Variants in IGF1R observed in about 807,000 individuals in gnomAD.
IGF1R encodes the protein insulin like growth factor 1 receptor.
In IGF1R, 44 loss-of-function variants were observed where a neutral mutation model predicts 144.6. The ratio of observed to expected loss-of-function variants is 0.30; its 90% CI spans 0.24 to 0.39. The LOEUF (loss-of-function observed/expected upper bound fraction) is 0.39. Ranked by LOEUF, IGF1R falls within the 10% of genes least tolerant of loss-of-function variation. The pLI is 1.00. For missense variants in IGF1R, 1,355 were observed against 1,833.7 expected, an observed-to-expected ratio of 0.74 and a Z score of 4.77; for synonymous variants, 795 against 722.8, an observed-to-expected ratio of 1.10 and a Z score of -1.60.
chr15:98,922,856 C>T (rs2684805), intron 11 of IGF1R, among the ~76,000 whole-genome samples: 125,479 of 152,166 alleles, frequency 0.82, 52,404 homozygotes, highest in Middle Eastern at 0.93. Context: ...ACTCCTGGAG[C>T]AGCCTCTGGT....
At chr15:98,785,455 C>G (rs1361592670) in intron 2 of IGF1R, among the ~76,000 whole-genome samples, 1 of 152,112 alleles carries the variant, frequency 6.6e-6, no homozygotes, top group Non-Finnish European at 1.5e-5. Flanking sequence ...TGATTTCAGT[C>G]CCAGGTAATC....
Position 98,822,084 on chromosome 15 carries a change from A to G in IGF1R, c.641-69241A>G, listed in dbSNP as rs987912117. Among the ~76,000 whole-genome samples the G allele has an allele frequency of 1.2e-4, 19 of 152,352 alleles. 1 individual carries two copies. The highest frequency in any genetic ancestry group is 4.6e-4 in the African/African-American group (19 of 41,568). ...AGGCAAGTCAATGAGATTACAAGAA[A>G]AGAGATGTTAGGCCTTCAGAAAGAT... On this transcript the variant is annotated intron_variant, in intron 2 of 20. Transcript: ENST00000650285.
At chr15:98,896,661 G>T (rs2151651651) in intron 3 of IGF1R, 96 bp from the exon 4 acceptor site, 1 of 1,277,670 alleles carries the variant, frequency 7.8e-7, no homozygotes, top group South Asian at 1.3e-5. Flanking sequence ...AATGCATGCT[G>T]TAATAACAAT....
intron 18 of IGF1R, among the ~76,000 whole-genome samples, chr15:98,939,680 A>G (rs369071593): frequency 1.4e-4 from 22 of 152,242 alleles, no homozygotes; most frequent in Admixed American, 3.3e-4. Flanking sequence ...TCTTCAGGAG[A>G]TTTTGACTTG....
chr15:98,688,206 G>T (rs1321686129), intron 1 of IGF1R, among the ~76,000 whole-genome samples: 8 of 152,014 alleles, frequency 5.3e-5, no homozygotes, highest in Non-Finnish European at 1.2e-4. Context: ...TTCAGCCCTG[G>T]CCAGCCCTGG....
At chr15:98,865,076 A>G (rs2012356060) in intron 2 of IGF1R, among the ~76,000 whole-genome samples, 1 of 152,234 alleles carries the variant, frequency 6.6e-6, no homozygotes, top group Non-Finnish European at 1.5e-5. Context: ...GTATCAGATC[A>G]CACATGCTTG....
chr15:98,866,425 C>T (rs1462733151), intron 2 of IGF1R, among the ~76,000 whole-genome samples: 1 of 152,178 alleles, frequency 6.6e-6, no homozygotes, highest in Non-Finnish European at 1.5e-5. Context: ...TAATGCGGGC[C>T]TCTGCAAATA....
At chr15:98,852,346 C>T (rs943471296) in intron 2 of IGF1R, among the ~76,000 whole-genome samples, 1 of 152,044 alleles carries the variant, frequency 6.6e-6, no homozygotes, top group African/African-American at 2.4e-5. Flanking sequence ...GCGGGCACCC[C>T]GCGCCCGCGC....
chr15:98,923,718 G>T (rs1567201814), intron 11 of IGF1R, 158 bp from the exon 12 acceptor site: 1 of 675,636 alleles, frequency 1.5e-6, no homozygotes, highest in East Asian at 2.7e-5. Context: ...GATCTCCACT[G>T]TCCTGCCCGC....
chr15:98,808,017 A>G (rs913331321), intron 2 of IGF1R, among the ~76,000 whole-genome samples: 3 of 152,208 alleles, frequency 2.0e-5, no homozygotes, highest in Non-Finnish European at 4.4e-5. Flanking sequence ...GTGGTGAGGT[A>G]CTATTTCTGT....
In IGF1R at chr15:98,959,296, A is replaced by G; in HGVS notation, c.*1854A>G. 1 of 233,554 alleles carries G rather than the reference A, an allele frequency of 4.3e-6. No homozygotes were observed. Among genetic ancestry groups the G allele is most frequent in the Non-Finnish European group, 8.5e-6 (1 of 117,954 alleles). The allele number at this position is 233,554 out of a possible 1,614,324, so 14.5% of individuals were successfully genotyped here. A position where few individuals can be genotyped will look rare whatever the true frequency, so the allele number is the denominator to read the frequency against. On this transcript the variant is annotated 3_prime_UTR_variant, in exon 21 of 21. Coordinates refer to ENST00000650285, the MANE Select transcript of IGF1R (RefSeq NM_000875.5). ...TTCTTAATGGCTATTTAATCCTTCC[A>G]TCCCACGAAAAACAGCTGCTGAGTC...
intron 2 of IGF1R, among the ~76,000 whole-genome samples, chr15:98,869,358 G>C (rs372575953): frequency 6.7e-6 from 1 of 149,682 alleles, no homozygotes; most frequent in Non-Finnish European, 1.5e-5. Flanking sequence ...CACAGGACCT[G>C]TATGGTCAAA....
intron 2 of IGF1R, among the ~76,000 whole-genome samples, chr15:98,725,618 G>C (rs189165717): frequency 4.5e-4 from 68 of 152,298 alleles, no homozygotes; most frequent in Admixed American, 4.4e-3. Flanking sequence ...GAGTTCCTTT[G>C]ATCAAGATCC....
intron 1 of IGF1R, among the ~76,000 whole-genome samples, chr15:98,663,081 G>A (rs2052638385): frequency 6.6e-6 from 1 of 152,180 alleles, no homozygotes; most frequent in Non-Finnish European, 1.5e-5. Context: ...ACAGGCTCAG[G>A]GAGGGAAGTC....
At chr15:98,695,289 T>G (rs576477261) in intron 1 of IGF1R, among the ~76,000 whole-genome samples, 1 of 152,310 alleles carries the variant, frequency 6.6e-6, no homozygotes, top group South Asian at 2.1e-4. Context: ...TGCCCTCCTT[T>G]GACGGGTCAA....
intron 2 of IGF1R, among the ~76,000 whole-genome samples, chr15:98,813,935 TC>T: frequency 6.6e-6 from 1 of 152,334 alleles, no homozygotes; most frequent in South Asian, 2.1e-4. Flanking sequence ...ACAATGACTG[TC>T]AACAACAATA....
intron 2 of IGF1R, among the ~76,000 whole-genome samples, chr15:98,799,300 G>A (rs1204101256): frequency 6.6e-6 from 1 of 151,734 alleles, no homozygotes; most frequent in African/African-American, 2.4e-5. Flanking sequence ...AACCCACAGA[G>A]AACTGCAGAC....
At position 98,803,544 on chromosome 15, in the gene IGF1R, C is replaced by G. The variant is rs527670683; in HGVS notation, c.641-87781C>G. 4.5e-4 allele frequency among the ~76,000 whole-genome samples: 28 copies of G among 62,502 alleles called. 1 individual carries two copies. The South Asian group carries it at 0.015, about 34-fold the overall frequency. 41.0% of individuals were successfully genotyped at this position (62,502 alleles called of 152,430 possible). A position where few individuals can be genotyped will look rare whatever the true frequency, so the allele number is the denominator to read the frequency against. ...TTTATGAGATAGGGTCTTGCTCTGTCCCCCAGGCTGGAGTGCAGTGGTGCA... is the reference window on the plus strand; with the variant it reads ...TTTATGAGATAGGGTCTTGCTCTGTGCCCCAGGCTGGAGTGCAGTGGTGCA... On this transcript the variant is annotated intron_variant, in intron 2 of 20. Transcript: ENST00000650285.
At chr15:98,838,268 G>A (rs1371417529) in intron 2 of IGF1R, among the ~76,000 whole-genome samples, 1 of 152,112 alleles carries the variant, frequency 6.6e-6, no homozygotes, top group Admixed American at 6.5e-5. Flanking sequence ...TCTTCAGCAG[G>A]GATGGTGGCC....
Sources: allele counts gnomAD v4.1 joint callset (sites outside exome capture counted in the v4.1 genomes callset), GRCh38; gene constraint gnomAD v4.1.1; transcripts MANE v1.5; gene names NCBI Gene and HGNC (gene_info 2026-07-23, HGNC 2026-07-21).